Variants in PHACTR2 observed in about 807,000 individuals in gnomAD.
PHACTR2 encodes the protein chromosome 6 open reading frame 56.
PHACTR2 carries 30 observed loss-of-function variants against 76.0 expected under a neutral mutation model. The ratio of observed to expected loss-of-function variants is 0.39; its 90% CI spans 0.30 to 0.54. The LOEUF (loss-of-function observed/expected upper bound fraction) is 0.54, where lower values mean the gene tolerates loss of function less well. Among genes scored for constraint, PHACTR2 ranks in the 20% least tolerant of loss-of-function variants. The probability of loss-of-function intolerance (pLI) is 0.61; values close to 1 mark genes in which losing one functional copy is unlikely to be tolerated. For missense variants in PHACTR2, 696 were observed against 781.1 expected, an observed-to-expected ratio of 0.89 and a Z score of 1.30; for synonymous variants, 292 against 292.5, an observed-to-expected ratio of 1.00 and a Z score of 0.02.
At chr6:143,702,928 A>G (rs539529210) in intron 1 of PHACTR2, among the ~76,000 whole-genome samples, 20 of 151,782 alleles carry the variant, frequency 1.3e-4, no homozygotes, top group African/African-American at 4.8e-4. Flanking sequence ...GTAAGGGAAA[A>G]AAGTTTATAG....
In PHACTR2 at chr6:143,592,822, C is replaced by G. The variant is rs897257124; in HGVS notation, c.217+55615C>G. Among the ~76,000 whole-genome samples the G allele has an allele frequency of 2.0e-5, 3 of 151,842 alleles. No homozygotes were observed. The highest frequency in any genetic ancestry group is 7.3e-5 in the African/African-American group (3 of 41,292). On this transcript the variant is annotated intron_variant, in intron 1 of 11. Transcript: ENST00000367584. The surrounding 1 kb of genome is among the most constrained non-coding windows in gnomAD (Gnocchi z 4.0). ...CAGCACTTTGGGAGGCCAAGGCGAG[C>G]AGATTACTTGAGCCTAGGAGTTTGA...
chr6:143,666,415 T>C (rs1777037222), intron 1 of PHACTR2, among the ~76,000 whole-genome samples: 2 of 152,094 alleles, frequency 1.3e-5, no homozygotes, highest in African/African-American at 4.8e-5. Flanking sequence ...GCTGGGTCAG[T>C]TGGTATTTCT....
chr6:143,760,990 C>T lies in PHACTR2; in HGVS notation c.694+350C>T, dbSNP rs868167474. Among the ~76,000 whole-genome samples the T allele has an allele frequency of 2.0e-5, 3 of 152,134 alleles. No individual in the cohort carries two copies. Among genetic ancestry groups the T allele is most frequent in the African/African-American group, 7.2e-5 (3 of 41,412 alleles). On this transcript the variant is annotated intron_variant, in intron 5 of 12. Coordinates refer to ENST00000440869, the MANE Select transcript of PHACTR2 (RefSeq NM_001100164.2). The surrounding 1 kb of genome is among the most constrained non-coding windows in gnomAD (Gnocchi z 6.4). ...TTGACTGACCTTCTACCTATATGAG[C>T]CTATGGGTGGCTTTTTGGCTTGGAT... is the stretch of plus-strand genomic sequence containing the variant.
intron 4 of PHACTR2, among the ~76,000 whole-genome samples, chr6:143,759,993 GT>G (rs888995535): frequency 2.6e-5 from 4 of 152,196 alleles, no homozygotes; most frequent in African/African-American, 9.6e-5. Flanking sequence ...TGACTGTAAC[GT>G]GTTCATCTGC....
rs1387720250 is a variant in PHACTR2 at position 143,570,307 on chromosome 6, A to G, written c.217+33100A>G. ...CAGGTGAAGCCCCATTTGTTTTTCC[A>G]TTCAGCCACCCGCTGGCCCTAATCA... is the stretch of plus-strand genomic sequence containing the variant. On this transcript the variant is annotated intron_variant, in intron 1 of 11. Transcript: ENST00000367584. The surrounding 1 kb of genome is among the most constrained non-coding windows in gnomAD (Gnocchi z 4.6). 6.6e-6 allele frequency among the ~76,000 whole-genome samples: 1 copy of G among 152,144 alleles called. No individual in the cohort carries two copies. Among genetic ancestry groups the G allele is most frequent in the Non-Finnish European group, 1.5e-5 (1 of 68,014 alleles).
At chr6:143,747,240 A>G (rs1779086072) in intron 2 of PHACTR2, among the ~76,000 whole-genome samples, 1 of 152,242 alleles carries the variant, frequency 6.6e-6, no homozygotes, top group Non-Finnish European at 1.5e-5. Context: ...CTTTCTAGCA[A>G]CCAGGATTTA....
rs139324735 is a variant in PHACTR2, at chr6:143,580,242, T to C, written c.217+43035T>C. On this transcript the variant is annotated intron_variant, in intron 1 of 11. Coordinates refer to the PHACTR2 transcript ENST00000367584. This position sits in a 1 kb window ranked among gnomAD's most constrained non-coding sequence, Gnocchi z 4.2. ...GGCTCACTCCTGTAATCCCAGCACT[T>C]TGGGAGGCCAAGGCAGGCAGATCAC... Among the ~76,000 whole-genome samples the C allele has an allele frequency of 2.2e-3, 336 of 152,244 alleles. 1 individual carries two copies. Among genetic ancestry groups the C allele is most frequent in the African/African-American group, 7.6e-3 (317 of 41,546 alleles).
chr6:143,659,235 A>C lies in PHACTR2; in HGVS notation c.13+50913A>C, dbSNP rs1476323184. Among the ~76,000 whole-genome samples, 1 of 152,190 alleles carries C rather than the reference A, an allele frequency of 6.6e-6. No homozygotes were observed. Among genetic ancestry groups the C allele is most frequent in the Non-Finnish European group, 1.5e-5 (1 of 68,036 alleles). ...TATATTTAAAATTTCTTTTCCTAAT[A>C]ATAAATTAACCTTAGCTTATTGTAA... On this transcript the variant is annotated intron_variant, in intron 1 of 11. Coordinates refer to the PHACTR2 transcript ENST00000305766. This position sits in a 1 kb window ranked among gnomAD's most constrained non-coding sequence, Gnocchi z 5.0.
Position 143,783,193 on chromosome 6 carries a change from C to T in PHACTR2, c.1646-26C>T, listed in dbSNP as rs755700697. The T allele has an allele frequency of 8.0e-6, 12 of 1,506,236 alleles. No homozygotes were observed. Among genetic ancestry groups the T allele is most frequent in the Non-Finnish European group, 9.2e-6 (10 of 1,084,506 alleles). 93.3% of individuals were successfully genotyped at this position (1,506,236 alleles called of 1,614,324 possible). On this transcript the variant is annotated intron_variant, in intron 9 of 12. Coordinates refer to ENST00000440869, the MANE Select transcript of PHACTR2 (RefSeq NM_001100164.2). This position sits in a 1 kb window ranked among gnomAD's most constrained non-coding sequence, Gnocchi z 5.2. ...TGAAATCATCTATAGTAACTGTCAT[C>T]ACGACTTTCCTCCTTTAATAAACAG...
Position 143,662,557 on chromosome 6 carries a change from A to T in PHACTR2, c.14-49459A>T, listed in dbSNP as rs937021993. Among the ~76,000 whole-genome samples, 1 of 152,146 alleles carries T rather than the reference A, an allele frequency of 6.6e-6. No individual in the cohort carries two copies. The highest frequency in any genetic ancestry group is 1.5e-5 in the Non-Finnish European group (1 of 68,018). On this transcript the variant is annotated intron_variant, in intron 1 of 11. Transcript: ENST00000305766. The surrounding 1 kb of genome is among the most constrained non-coding windows in gnomAD (Gnocchi z 4.7). ...TTAGTTATAAAATGCTGAACTATTG[A>T]ATAATGAAAGTGTTTTAAACAACAC...
rs1212445510 is a variant in PHACTR2, at chr6:143,672,195, G to A, written c.14-39821G>A. ...CATGTTTATTAAAACTTATTGAACT[G>A]TTTGCTTTAAATGGGTACATTTTAG... On this transcript the variant is annotated intron_variant, in intron 1 of 11. Coordinates refer to the PHACTR2 transcript ENST00000305766. The surrounding 1 kb of genome is among the most constrained non-coding windows in gnomAD (Gnocchi z 5.8). Among the ~76,000 whole-genome samples the A allele has an allele frequency of 1.3e-5, 2 of 151,162 alleles. No individual in the cohort carries two copies. Among genetic ancestry groups the A allele is most frequent in the Admixed American group, 6.6e-5 (1 of 15,124 alleles).
intron 1 of PHACTR2, among the ~76,000 whole-genome samples, chr6:143,628,924 GATATATATAT>G (rs71024862): frequency 0.03 from 993 of 33,414 alleles, 12 homozygotes; most frequent in Admixed American, 0.038. Flanking sequence ...AAATGCAGGA[GATATATATAT>G]ATATATATAT....
At chr6:143,718,454 G>A (rs965532076) in intron 2 of PHACTR2, among the ~76,000 whole-genome samples, 9 of 152,158 alleles carry the variant, frequency 5.9e-5, no homozygotes, top group Non-Finnish European at 1.2e-4. Flanking sequence ...CAGTACTTTC[G>A]ACCATTCACT....
In PHACTR2 at chr6:143,671,738, A is replaced by G. The variant is rs913793453; in HGVS notation, c.14-40278A>G. On this transcript the variant is annotated intron_variant, in intron 1 of 11. Transcript: ENST00000305766. The surrounding 1 kb of genome is among the most constrained non-coding windows in gnomAD (Gnocchi z 4.6). Reference sequence around the variant, plus strand: ...GTGGTGAACCAATCAATGAGTTATTATTAATATAGAACTAGCATATATGTA... The same window carrying G: ...GTGGTGAACCAATCAATGAGTTATTGTTAATATAGAACTAGCATATATGTA... Among the ~76,000 whole-genome samples, 3 of 152,248 alleles carry G rather than the reference A, an allele frequency of 2.0e-5. No individual in the cohort carries two copies. In the East Asian group the frequency reaches 5.8e-4, roughly 29 times the overall value.
rs1775458751 is a variant in PHACTR2, at chr6:143,782,692, C to T, written c.1646-527C>T. 6.6e-6 allele frequency among the ~76,000 whole-genome samples: 1 copy of T among 152,150 alleles called. No homozygotes were observed. The highest frequency in any genetic ancestry group is 6.5e-5 in the Admixed American group (1 of 15,276). On this transcript the variant is annotated intron_variant, in intron 9 of 12. Coordinates refer to ENST00000440869, the MANE Select transcript of PHACTR2 (RefSeq NM_001100164.2). The surrounding 1 kb of genome is among the most constrained non-coding windows in gnomAD (Gnocchi z 4.6). ...AGTCCAAGGAAATGCTTACATTCTG[C>T]TTCTATGGAAACGAAGGAAGACAAA...
chr6:143,678,143 C>G lies in PHACTR2; in HGVS notation c.-21C>G. The stretch of plus-strand genomic sequence containing the variant: ...CCAAAGGAGCCGCTTGATCGCTGGA[C>G]CTGGCCCTGCGACCCCAGTCATGGG... On this transcript the variant is annotated 5_prime_UTR_variant, in exon 1 of 13. Transcript: ENST00000440869. The surrounding 1 kb of genome is among the most constrained non-coding windows in gnomAD (Gnocchi z 6.2). The G allele has an allele frequency of 6.5e-7, 1 of 1,545,738 alleles. No homozygotes were observed. Among genetic ancestry groups the G allele is most frequent in the Non-Finnish European group, 8.7e-7 (1 of 1,144,862 alleles).
rs1335934520 is a variant in PHACTR2, at chr6:143,750,572, G to A, written c.295+1507G>A. 6.6e-6 allele frequency among the ~76,000 whole-genome samples: 1 copy of A among 152,160 alleles called. No homozygotes were observed. Among genetic ancestry groups the A allele is most frequent in the African/African-American group, 2.4e-5 (1 of 41,442 alleles). Reference sequence around the variant, plus strand: ...AACTGTTAATGGGTTTAAATGTGAAGATTAAAAGCCCATCTTTTTTTCCTA... The same window carrying A: ...AACTGTTAATGGGTTTAAATGTGAAAATTAAAAGCCCATCTTTTTTTCCTA... On this transcript the variant is annotated intron_variant, in intron 3 of 12. Coordinates refer to ENST00000440869, the MANE Select transcript of PHACTR2 (RefSeq NM_001100164.2). The surrounding 1 kb of genome is among the most constrained non-coding windows in gnomAD (Gnocchi z 4.6).
Position 143,755,433 on chromosome 6 carries a change from G to A in PHACTR2, c.454+1521G>A. On this transcript the variant is annotated intron_variant, in intron 4 of 12. Transcript: ENST00000440869. This position sits in a 1 kb window ranked among gnomAD's most constrained non-coding sequence, Gnocchi z 5.2. Reference sequence around the variant, plus strand: ...CGTGCAGGGTATTCGTCACTGGACTGGCCAGACATCAAAGGAAGTGTTTCC... The same window carrying A: ...CGTGCAGGGTATTCGTCACTGGACTAGCCAGACATCAAAGGAAGTGTTTCC... The A allele has an allele frequency of 2.3e-6, 1 of 439,528 alleles. No individual in the cohort carries two copies. The highest frequency in any genetic ancestry group is 4.6e-6 in the Non-Finnish European group (1 of 218,278). 27.2% of individuals were successfully genotyped at this position (439,528 alleles called of 1,614,324 possible).
chr6:143,570,283 A>G lies in PHACTR2; in HGVS notation c.217+33076A>G, dbSNP rs12191421. On this transcript the variant is annotated intron_variant, in intron 1 of 11. Coordinates refer to the PHACTR2 transcript ENST00000367584. This position sits in a 1 kb window ranked among gnomAD's most constrained non-coding sequence, Gnocchi z 4.6. ...CGAGGTTGCTGTTGGTCTGAGTCAC[A>G]GGTGAAGCCCCATTTGTTTTTCCAT... Among the ~76,000 whole-genome samples the G allele has an allele frequency of 0.059, 9,022 of 152,280 alleles. 311 individuals carry two copies. The highest frequency in any genetic ancestry group is 0.078 in the South Asian group (376 of 4,824).
Sources: allele counts gnomAD v4.1 joint callset (sites outside exome capture counted in the v4.1 genomes callset), GRCh38; gene constraint gnomAD v4.1.1; non-coding constraint Gnocchi (gnomAD v3.1); transcripts MANE v1.5; gene names NCBI Gene and HGNC (gene_info 2026-07-23, HGNC 2026-07-21).